KCNMA1: variants seen among roughly 807,000 people sequenced by gnomAD.
KCNMA1 encodes potassium calcium-activated channel subfamily M alpha 1, also known as Calcium-activated potassium channel subunit alpha-1.
In KCNMA1, 29 loss-of-function variants were observed where a neutral mutation model predicts 140.0. The ratio of observed to expected loss-of-function variants is 0.21; its 90% confidence interval spans 0.15 to 0.28. The LOEUF is 0.28. Among genes scored for constraint, KCNMA1 ranks in the 10% least tolerant of loss-of-function variants. The probability of loss-of-function intolerance (pLI) is 1.00; values close to 1 mark genes in which losing one functional copy is unlikely to be tolerated. For synonymous variants in KCNMA1, 612 were observed against 611.9 expected, an observed-to-expected ratio of 1.00 and a Z score of 0.00; for missense variants, 880 against 1,602.2, an observed-to-expected ratio of 0.55 and a Z score of 7.70.
At chr10:77,092,227 C>T (rs2096834575) in intron 9 of KCNMA1, 1 of 152,174 alleles carries the variant, frequency 6.6e-6, no homozygotes, top group African/African-American at 2.4e-5. Flanking sequence ...TATCAGAATA[C>T]ACAATATAGA....
At chr10:76,922,233 C>T (rs1340868021) in intron 23 of KCNMA1, among the ~76,000 whole-genome samples, 1 of 152,184 alleles carries the variant, frequency 6.6e-6, no homozygotes, top group Non-Finnish European at 1.5e-5. Context: ...TCAATTCCTC[C>T]ATTCTTCAAA....
chr10:77,175,162 C>T (rs962812540), intron 5 of KCNMA1, among the ~76,000 whole-genome samples: 3 of 152,096 alleles, frequency 2.0e-5, no homozygotes, highest in Admixed American at 1.3e-4. Context: ...TCCCCAGTAA[C>T]GCTGATGCTG....
chr10:76,971,655 C>CA lies in KCNMA1; in HGVS notation c.2267-1589dup, dbSNP rs555626874. Among the ~76,000 whole-genome samples, 333 of 152,234 alleles carry CA rather than the reference C, an allele frequency of 2.2e-3. 1 individual carries two copies. Among genetic ancestry groups the CA allele is most frequent in the Middle Eastern group, 3.4e-3 (1 of 294 alleles). On this transcript the variant is annotated intron_variant, in intron 19 of 27. Coordinates refer to ENST00000286628, the MANE Select transcript of KCNMA1 (RefSeq NM_001161352.2). ...TGTACCACCTGCTTCCTCTGACACC[C>CA]ACCAGGGCCCAAGCTCAGGCCGAGA...
chr10:77,082,518 GTTTTC>G lies in KCNMA1; in HGVS notation c.1523+2114_1523+2118del, dbSNP rs772590371. On this transcript the variant is annotated intron_variant, in intron 12 of 27. Coordinates refer to ENST00000286628, the MANE Select transcript of KCNMA1 (RefSeq NM_001161352.2). ...AAACATTAAGCTTCATCTTCTTTTG[GTTTTC>G]CATTTGGAATTTTGAAGACAGTGAA... Among the ~76,000 whole-genome samples the G allele has an allele frequency of 3.3e-5, 5 of 151,942 alleles. No individual in the cohort carries two copies. The South Asian group carries it at 1.0e-3, about 32-fold the overall frequency.
At chr10:77,362,661 C>T (rs899268089) in intron 2 of KCNMA1, among the ~76,000 whole-genome samples, 2 of 152,116 alleles carry the variant, frequency 1.3e-5, no homozygotes, top group Admixed American at 6.5e-5. Flanking sequence ...GTCCAGCTCA[C>T]AGGACAAGCC....
chr10:77,469,595 A>C (rs1156719663), intron 1 of KCNMA1, among the ~76,000 whole-genome samples: 3 of 152,192 alleles, frequency 2.0e-5, no homozygotes, highest in African/African-American at 7.2e-5. Flanking sequence ...AAAGACCTTT[A>C]GAAACCAATA....
chr10:76,928,618 C>A (rs1256066970), intron 23 of KCNMA1, among the ~76,000 whole-genome samples: 1 of 152,128 alleles, frequency 6.6e-6, no homozygotes. Flanking sequence ...GCTTTAATAT[C>A]TTTAGGCAAC....
chr10:77,384,458 T>A (rs1424824655), intron 2 of KCNMA1, among the ~76,000 whole-genome samples: 2 of 152,230 alleles, frequency 1.3e-5, no homozygotes, highest in Non-Finnish European at 1.5e-5. Flanking sequence ...ATTGTTCCTG[T>A]ACTTATGGAA....
At chr10:77,221,959 A>G (rs1015207767) in intron 3 of KCNMA1, among the ~76,000 whole-genome samples, 1 of 152,254 alleles carries the variant, frequency 6.6e-6, no homozygotes, top group African/African-American at 2.4e-5. Flanking sequence ...GAATTTAGAC[A>G]AATGTCAAAT....
chr10:77,256,454 T>G (rs1242209603), intron 2 of KCNMA1, among the ~76,000 whole-genome samples: 2 of 152,166 alleles, frequency 1.3e-5, no homozygotes, highest in Non-Finnish European at 2.9e-5. Context: ...GCTCCTCCAG[T>G]GAATCTGACA....
intron 6 of KCNMA1, among the ~76,000 whole-genome samples, chr10:77,119,944 A>G (rs2097559625): frequency 6.6e-6 from 1 of 152,222 alleles, no homozygotes; most frequent in South Asian, 2.1e-4. Flanking sequence ...CAAGGAGTAA[A>G]GCCAATCATA....
intron 14 of KCNMA1, among the ~76,000 whole-genome samples, chr10:77,056,550 A>G (rs182888970): frequency 4.6e-5 from 7 of 152,254 alleles, no homozygotes; most frequent in Non-Finnish European, 2.9e-5. Flanking sequence ...TTGCCATAAG[A>G]GTAACCAGGA....
intron 24 of KCNMA1, chr10:76,911,774 C>T (rs2050385255): frequency 1.3e-5 from 2 of 152,238 alleles, no homozygotes; most frequent in Non-Finnish European, 2.9e-5. Flanking sequence ...TTCCTCACCT[C>T]CCTTCACTTG....
intron 2 of KCNMA1, among the ~76,000 whole-genome samples, chr10:77,377,798 C>T (rs1176691699): frequency 6.6e-6 from 1 of 152,178 alleles, no homozygotes; most frequent in Admixed American, 6.5e-5. Flanking sequence ...CTCAGCAAGT[C>T]ATTCATCCAC....
chr10:77,205,529 A>ATCAACATGC (rs1486331925), intron 3 of KCNMA1, among the ~76,000 whole-genome samples: 1 of 152,234 alleles, frequency 6.6e-6, no homozygotes, highest in Non-Finnish European at 1.5e-5. Flanking sequence ...CTGGATATAA[A>ATCAACATGC]TCAACATGCT....
intron 1 of KCNMA1, among the ~76,000 whole-genome samples, chr10:77,620,167 T>G (rs529523892): frequency 6.6e-6 from 1 of 152,210 alleles, no homozygotes; most frequent in South Asian, 2.1e-4. Flanking sequence ...AGAACTGTTT[T>G]CTCTGGCTCG....
intron 1 of KCNMA1, among the ~76,000 whole-genome samples, chr10:77,584,120 C>T (rs559726452): frequency 2.0e-5 from 3 of 152,262 alleles, no homozygotes; most frequent in South Asian, 2.1e-4. Context: ...GTTACAAAAA[C>T]GCAGTGAGCA....
intron 7 of KCNMA1, among the ~76,000 whole-genome samples, chr10:77,111,672 G>A (rs1049965994): frequency 5.3e-5 from 8 of 152,084 alleles, no homozygotes; most frequent in Admixed American, 4.6e-4. Flanking sequence ...AGCTAAGCGC[G>A]TCCTTCTATC....
At chr10:77,106,651 G>C (rs185251946) in intron 9 of KCNMA1, among the ~76,000 whole-genome samples, 1 of 152,180 alleles carries the variant, frequency 6.6e-6, no homozygotes, top group African/African-American at 2.4e-5. Flanking sequence ...TGGCGGAGAC[G>C]TCAGAAGATA....
Sources: allele counts gnomAD v4.1 joint callset (sites outside exome capture counted in the v4.1 genomes callset), GRCh38; gene constraint gnomAD v4.1.1; transcripts MANE v1.5; gene names NCBI Gene and HGNC (gene_info 2026-07-23, HGNC 2026-07-21).